ADAM12: variants seen among roughly 807,000 people sequenced by gnomAD.
ADAM12 encodes disintegrin and metalloproteinase domain-containing protein 12.
ADAM12 carries 70 observed loss-of-function variants against 106.4 expected under a neutral mutation model. The observed-to-expected ratio is 0.66, with a 90% CI of 0.54 to 0.80. The LOEUF (loss-of-function observed/expected upper bound fraction) is 0.80, where lower values mean the gene tolerates loss of function less well. Ranked by LOEUF, ADAM12 falls within the 30% of genes least tolerant of loss-of-function variation. The pLI, the probability that ADAM12 is intolerant of heterozygous loss-of-function variation, is 0.00. For synonymous variants in ADAM12, 420 were observed against 433.5 expected (o/e 0.97, Z 0.39); for missense variants, 1,010 against 1,171.9 (o/e 0.86, Z 2.02).
intron 3 of ADAM12, among the ~76,000 whole-genome samples, chr10:126,200,557 C>T (rs544129105): frequency 2.8e-4 from 43 of 152,250 alleles, no homozygotes; most frequent in African/African-American, 7.0e-4. Context: ...GCATCTTAAT[C>T]GACAACACCA....
At chr10:126,118,334 A>C in intron 5 of ADAM12, 110 bp from the exon 6 acceptor site, 3 of 745,004 alleles carry the variant, frequency 4.0e-6, no homozygotes, top group Non-Finnish European at 6.3e-6. Context: ...ACACCAATTT[A>C]CTTATATTCT....
intron 2 of ADAM12, among the ~76,000 whole-genome samples, chr10:126,329,916 T>G (rs1854443095): frequency 1.3e-5 from 2 of 152,228 alleles, no homozygotes; most frequent in Admixed American, 6.5e-5. Flanking sequence ...AGATATTAAA[T>G]TTAATCACTA....
intron 5 of ADAM12, among the ~76,000 whole-genome samples, chr10:126,120,066 T>A (rs1310071805): frequency 6.6e-6 from 1 of 152,220 alleles, no homozygotes; most frequent in Non-Finnish European, 1.5e-5. Context: ...AAAATTTTCA[T>A]GTAAAATTCA....
At chr10:126,229,865 C>T (rs542677848) in intron 3 of ADAM12, among the ~76,000 whole-genome samples, 15 of 152,160 alleles carry the variant, frequency 9.9e-5, no homozygotes, top group Non-Finnish European at 1.8e-4. Context: ...CATGCTTCTG[C>T]GCTTTCTATT....
chr10:126,098,198 C>G (rs1201749264), intron 10 of ADAM12, among the ~76,000 whole-genome samples: 3 of 152,230 alleles, frequency 2.0e-5, no homozygotes, highest in Non-Finnish European at 2.9e-5. Flanking sequence ...CTCTGCTGAG[C>G]TATTTTACAT....
Position 126,154,180 on chromosome 10 carries a change from C to T in ADAM12, c.339+1047G>A, listed in dbSNP as rs1446013419. On this transcript the variant is annotated intron_variant, in intron 4 of 22. Coordinates refer to ENST00000448723, the MANE Select transcript of ADAM12 (RefSeq NM_001288973.2). ...TAGCCCTTTGGGTCTTTGAATAGTC[C>T]TTTGGGGAGCCCCAACTCACCAGCC... 2.6e-5 allele frequency among the ~76,000 whole-genome samples: 4 copies of T among 152,200 alleles called. No homozygotes were observed. In the East Asian group the frequency reaches 5.8e-4, roughly 22 times the overall value.
At chr10:126,198,038 ACT>A (rs1209786282) in intron 3 of ADAM12, among the ~76,000 whole-genome samples, 2 of 152,156 alleles carry the variant, frequency 1.3e-5, no homozygotes, top group African/African-American at 4.8e-5. Context: ...AATTAACATC[ACT>A]GTTTCCTAAG....
At chr10:126,318,166 G>C (rs79326277) in intron 2 of ADAM12, among the ~76,000 whole-genome samples, 3,403 of 152,162 alleles carry the variant, frequency 0.022, 51 homozygotes, top group Non-Finnish European at 0.033. Context: ...ACCCAGTGCA[G>C]CTTGCAGTGC....
At chr10:126,328,719 G>A (rs374212954) in intron 2 of ADAM12, among the ~76,000 whole-genome samples, 4 of 152,222 alleles carry the variant, frequency 2.6e-5, no homozygotes, top group Admixed American at 6.5e-5. Context: ...CCTACATAAC[G>A]TCACTAACCT....
At chr10:126,342,540 A>T (rs190421191) in intron 1 of ADAM12, among the ~76,000 whole-genome samples, 1 of 152,216 alleles carries the variant, frequency 6.6e-6, no homozygotes, top group African/African-American at 2.4e-5. Flanking sequence ...AACTGTTTAA[A>T]TCCTTGCTTC....
intron 1 of ADAM12, among the ~76,000 whole-genome samples, chr10:126,331,252 T>C (rs1210039061): frequency 1.3e-5 from 2 of 152,166 alleles, no homozygotes; most frequent in Non-Finnish European, 2.9e-5. Flanking sequence ...CTGGACTTGC[T>C]CTCCTATGAG....
In ADAM12 at chr10:126,049,182, G is replaced by T; in HGVS notation, c.1917+71C>A. On this transcript the variant is annotated intron_variant, in intron 16 of 22. Transcript: ENST00000448723. This position sits in a 1 kb window ranked among gnomAD's most constrained non-coding sequence, Gnocchi z 4.4. ...GAAAACCAACAAACCTTGTAACCCA[G>T]TTCTTGCTGTTTTTCAATGGGCCCT... is the stretch of plus-strand genomic sequence containing the variant. 6.3e-7 allele frequency: 1 copy of T among 1,584,272 alleles called. No homozygotes were observed. Among genetic ancestry groups the T allele is most frequent in the Non-Finnish European group, 8.6e-7 (1 of 1,160,216 alleles).
intron 1 of ADAM12, among the ~76,000 whole-genome samples, chr10:126,330,754 G>A (rs1187625065): frequency 6.6e-6 from 1 of 152,196 alleles, no homozygotes; most frequent in Non-Finnish European, 1.5e-5. Context: ...CCTGTAACAT[G>A]TGCTGGGGTA....
intron 3 of ADAM12, among the ~76,000 whole-genome samples, chr10:126,272,013 C>T (rs189097944): frequency 6.6e-6 from 1 of 152,312 alleles, no homozygotes; most frequent in East Asian, 1.9e-4. Flanking sequence ...TGACTGGGCT[C>T]TTCCCTCTGT....
chr10:126,375,847 G>T, intron 1 of ADAM12, among the ~76,000 whole-genome samples: 1 of 151,444 alleles, frequency 6.6e-6, no homozygotes, highest in Non-Finnish European at 1.5e-5. Context: ...CTGGGCTCAA[G>T]CAATCCTCCC....
At chr10:126,187,344 A>C (rs2927508) in intron 3 of ADAM12, among the ~76,000 whole-genome samples, 36,591 of 151,716 alleles carry the variant, frequency 0.24, 9,374 homozygotes, top group African/African-American at 0.65. Context: ...AAACAAATTT[A>C]ATGTTGCAAA....
At chr10:126,235,081 G>T (rs776978848) in intron 3 of ADAM12, among the ~76,000 whole-genome samples, 5 of 152,168 alleles carry the variant, frequency 3.3e-5, no homozygotes, top group Admixed American at 6.5e-5. Context: ...GGAAAGGGTC[G>T]TCTCCACGTG....
At chr10:126,233,788 C>T (rs966074384) in intron 3 of ADAM12, among the ~76,000 whole-genome samples, 1 of 152,168 alleles carries the variant, frequency 6.6e-6, no homozygotes, top group Non-Finnish European at 1.5e-5. Context: ...ATTGGAAATG[C>T]GCTTCTCTTA....
At chr10:126,079,297 A>C (rs923409410) in intron 11 of ADAM12, among the ~76,000 whole-genome samples, 2 of 151,482 alleles carry the variant, frequency 1.3e-5, no homozygotes, top group African/African-American at 4.9e-5. Context: ...CCCCTCAAAC[A>C]AACCCCACAT....
Sources: gnomAD v4.1 joint callset for allele counts (sites outside exome capture counted in the v4.1 genomes callset) on GRCh38, gnomAD v4.1.1 for gene constraint, Gnocchi (gnomAD v3.1) non-coding constraint, MANE v1.5 for transcripts, NCBI Gene and HGNC (gene_info 2026-07-23, HGNC 2026-07-21) for gene names.